Variants in ABCC4 observed in about 807,000 individuals in gnomAD.
The protein encoded by ABCC4 is ATP binding cassette subfamily C member 4 (PEL blood group).
Under a neutral mutation model 168.5 loss-of-function variants are expected in ABCC4, and 102 were observed. The observed-to-expected ratio is 0.61, with a 90% confidence interval of 0.52 to 0.71. ABCC4 has a LOEUF of 0.71. ABCC4 is among the 30% of genes least tolerant of loss of function. ABCC4 has a pLI of 0.00. For synonymous variants in ABCC4, 617 were observed against 590.7 expected, an observed-to-expected ratio of 1.04 and a Z score of -0.65; for missense variants, 1,402 against 1,605.8, an observed-to-expected ratio of 0.87 and a Z score of 2.17.
At chr13:95,081,433 C>T (rs1331093240) in intron 21 of ABCC4, among the ~76,000 whole-genome samples, 8 of 152,170 alleles carry the variant, frequency 5.3e-5, no homozygotes, top group Admixed American at 5.2e-4. Context: ...AATGCCTGCA[C>T]AGCCTTGCTG....
chr13:95,025,689 GA>G (rs1389571858), intron 30 of ABCC4, among the ~76,000 whole-genome samples: 1 of 151,734 alleles, frequency 6.6e-6, no homozygotes, highest in Non-Finnish European at 1.5e-5. Flanking sequence ...ATAATTTTAA[GA>G]GTAGTACAGG....
chr13:95,285,034 C>T (rs2041225890), intron 1 of ABCC4, among the ~76,000 whole-genome samples: 1 of 152,004 alleles, frequency 6.6e-6, no homozygotes, highest in Non-Finnish European at 1.5e-5. Context: ...TCATTTGAGT[C>T]CAGGAGTTTG....
At chr13:95,125,079 C>T (rs2035711571) in intron 19 of ABCC4, among the ~76,000 whole-genome samples, 1 of 151,850 alleles carries the variant, frequency 6.6e-6, no homozygotes, top group South Asian at 2.1e-4. Flanking sequence ...AGATACTGTT[C>T]CCATTTTACA....
chr13:95,272,625 C>T (rs998082076), intron 1 of ABCC4, among the ~76,000 whole-genome samples: 2 of 152,114 alleles, frequency 1.3e-5, no homozygotes, highest in Non-Finnish European at 2.9e-5. Context: ...CGGTGGCTCA[C>T]GCCTGTAATC....
intron 20 of ABCC4, among the ~76,000 whole-genome samples, chr13:95,106,922 A>C (rs1034695724): frequency 7.9e-5 from 12 of 152,100 alleles, no homozygotes; most frequent in Non-Finnish European, 1.2e-4. Flanking sequence ...AATCAAATAC[A>C]TGGGGCTGTG....
At chr13:95,110,308 CAAAA>C (rs61438342) in intron 20 of ABCC4, among the ~76,000 whole-genome samples, 1 of 104,582 alleles carries the variant, frequency 9.6e-6, no homozygotes, top group African/African-American at 3.7e-5. Flanking sequence ...GACTCTGTCT[CAAAA>C]AAAAAAAAAA....
chr13:95,137,668 G>A (rs2036184617), intron 19 of ABCC4, among the ~76,000 whole-genome samples: 1 of 152,156 alleles, frequency 6.6e-6, no homozygotes, highest in East Asian at 1.9e-4. Context: ...CGAAAGATGG[G>A]GGGGAACTCC....
intron 19 of ABCC4, among the ~76,000 whole-genome samples, chr13:95,151,566 G>GAGGAGGAGGAGGAGAAGC (rs2036681048): frequency 1.0e-4 from 15 of 145,758 alleles, no homozygotes; most frequent in Admixed American, 2.7e-4. Flanking sequence ...GGAGGAGAAG[G>GAGGAGGAGGAGGAGAAGC]AGAAGAAGGA....
At chr13:95,131,437 G>A (rs1199538934) in intron 19 of ABCC4, among the ~76,000 whole-genome samples, 2 of 152,100 alleles carry the variant, frequency 1.3e-5, no homozygotes, top group Admixed American at 6.6e-5. Flanking sequence ...AGAGCAGCCT[G>A]GCCAACATGG....
chr13:95,119,523 A>G (rs1012883957), intron 19 of ABCC4, among the ~76,000 whole-genome samples: 2 of 152,200 alleles, frequency 1.3e-5, no homozygotes, highest in African/African-American at 4.8e-5. Context: ...CACAACATAG[A>G]ATATTATAAA....
Position 95,209,577 on chromosome 13 carries a change from GA to G in ABCC4, c.641del (p.Phe214SerfsTer12). ...KFDQVTVFLH[F>X]LWAGPLQAIA... The stretch of plus-strand genomic sequence containing the variant: ...TCGCCTGCAGTGGTCCTGCCCACAG[GA>G]AGTGTAAGAACACTGTCACCTTTAA... On this transcript the variant is annotated frameshift_variant, in exon 6 of 31. Transcript: ENST00000645237. LOFTEE classifies it high-confidence loss of function. 6.2e-7 allele frequency: 1 copy of G among 1,613,286 alleles called. No individual in the cohort carries two copies. Among genetic ancestry groups the G allele is most frequent in the Non-Finnish European group, 8.5e-7 (1 of 1,179,694 alleles).
At chr13:95,159,133 A>G (rs1296982407) in intron 19 of ABCC4, among the ~76,000 whole-genome samples, 2 of 125,344 alleles carry the variant, frequency 1.6e-5, no homozygotes, top group African/African-American at 6.1e-5. Flanking sequence ...ATATATATAT[A>G]ACTATTGAAG....
intron 14 of ABCC4, among the ~76,000 whole-genome samples, chr13:95,166,805 T>C (rs2037287762): frequency 6.6e-6 from 1 of 152,168 alleles, no homozygotes; most frequent in Non-Finnish European, 1.5e-5. Context: ...AAGCCTCCAC[T>C]GGCCATGGGC....
Position 95,295,690 on chromosome 13 carries a change from T to C in ABCC4, c.74+5551A>G, listed in dbSNP as rs553340027. ...TCAAAAAATTAGCTAGGTGTCCAGG[T>C]GCGGTGGCTCATGCTTGTAATCCCA... On this transcript the variant is annotated intron_variant, in intron 1 of 30. Coordinates refer to ENST00000645237, the MANE Select transcript of ABCC4 (RefSeq NM_005845.5). 9.5e-5 allele frequency among the ~76,000 whole-genome samples: 14 copies of C among 147,630 alleles called. No homozygotes were observed. The South Asian group carries it at 3.1e-3, about 32-fold the overall frequency.
intron 26 of ABCC4, among the ~76,000 whole-genome samples, chr13:95,057,804 C>T (rs1030964719): frequency 6.6e-6 from 1 of 152,248 alleles, no homozygotes; most frequent in Non-Finnish European, 1.5e-5. Flanking sequence ...TTCGAAGAAA[C>T]AGCACTTGGT....
chr13:95,186,291 T>G (rs2038055379), intron 11 of ABCC4, among the ~76,000 whole-genome samples: 1 of 152,078 alleles, frequency 6.6e-6, no homozygotes, highest in Non-Finnish European at 1.5e-5. Flanking sequence ...CAGAAGAATC[T>G]GGGTTGGGGG....
chr13:95,204,442 A>G (rs1208626148), intron 8 of ABCC4, among the ~76,000 whole-genome samples: 2 of 152,036 alleles, frequency 1.3e-5, no homozygotes, highest in African/African-American at 4.8e-5. Context: ...TCATGGGGGC[A>G]GTTTCCCCTG....
chr13:95,181,019 A>G (rs2037871619), intron 11 of ABCC4, among the ~76,000 whole-genome samples: 1 of 152,222 alleles, frequency 6.6e-6, no homozygotes, highest in African/African-American at 2.4e-5. Context: ...ATGATTTTCT[A>G]GTTTGGCTAA....
chr13:95,024,603 A>T (rs2031295290), intron 30 of ABCC4, among the ~76,000 whole-genome samples: 1 of 152,204 alleles, frequency 6.6e-6, no homozygotes, highest in Admixed American at 6.5e-5. Flanking sequence ...GATGTGTTGA[A>T]TTCAGGCTCA....
Sources: gnomAD v4.1 joint callset for allele counts (sites outside exome capture counted in the v4.1 genomes callset) on GRCh38, gnomAD v4.1.1 for gene constraint, MANE v1.5 for transcripts, NCBI Gene and HGNC (gene_info 2026-07-23, HGNC 2026-07-21) for gene names.